Variants in GPHN observed in about 807,000 individuals in gnomAD.
GPHN encodes the protein gephyrin.
A neutral mutation model predicts 95.5 loss-of-function variants in GPHN; 17 were observed. The observed-to-expected ratio is 0.18, with a 90% CI of 0.12 to 0.27. The LOEUF is 0.27. Ranked by LOEUF, GPHN falls within the 10% of genes least tolerant of loss-of-function variation. The pLI is 1.00. For missense variants in GPHN, 660 were observed against 978.1 expected (o/e 0.67, Z 4.34); for synonymous variants, 320 against 322.5 (o/e 0.99, Z 0.08).
At chr14:67,633,461 G>A in the GPHN span, among the ~76,000 whole-genome samples, 3 of 152,158 alleles carry the variant, frequency 2.0e-5, no homozygotes, top group South Asian at 4.1e-4. Flanking sequence ...GTCTCCATGT[G>A]CTTTCAACAG....
At chr14:67,642,109 TATC>T in the GPHN span, 1 of 1,384,152 alleles carries the variant, frequency 7.2e-7, no homozygotes, top group Non-Finnish European at 1.0e-6. Flanking sequence ...TGTCACGTAT[TATC>T]ATTGTGGCCC....
At chr14:67,571,743 G>A in the GPHN span, 1 of 1,611,812 alleles carries the variant, frequency 6.2e-7, no homozygotes, top group African/African-American at 1.3e-5. Context: ...GGAGGGGCCT[G>A]TCTTGCAGAG....
chr14:67,533,978 G>A, the GPHN span, among the ~76,000 whole-genome samples: 1 of 152,018 alleles, frequency 6.6e-6, no homozygotes, highest in Non-Finnish European at 1.5e-5. Context: ...TCATCTGGAA[G>A]GAAACTCCTC....
chr14:67,581,128 A>C, the GPHN span: 6 of 810,892 alleles, frequency 7.4e-6, no homozygotes, highest in Non-Finnish European at 1.3e-5. Flanking sequence ...GCCTATCCAG[A>C]CGGGGGGAGG....
intron 1 of GPHN, among the ~76,000 whole-genome samples, chr14:66,601,193 A>C (rs964153049): frequency 1.3e-4 from 19 of 151,972 alleles, no homozygotes; most frequent in Non-Finnish European, 2.7e-4. Flanking sequence ...ATTTCTATCT[A>C]AAAGCGTTAA....
chr14:66,838,801 A>C (rs191400344), intron 4 of GPHN, among the ~76,000 whole-genome samples: 1 of 152,244 alleles, frequency 6.6e-6, no homozygotes, highest in East Asian at 1.9e-4. Context: ...TGCCTTTCAC[A>C]TAAAATGTAA....
chr14:66,599,179 C>T (rs981807946), intron 1 of GPHN, among the ~76,000 whole-genome samples: 1 of 151,764 alleles, frequency 6.6e-6, no homozygotes, highest in African/African-American at 2.4e-5. Context: ...GTGTTCATTA[C>T]TACTGTTTTA....
chr14:66,943,378 G>A (rs2067538921), intron 8 of GPHN, among the ~76,000 whole-genome samples: 1 of 151,956 alleles, frequency 6.6e-6, no homozygotes, highest in African/African-American at 2.4e-5. Flanking sequence ...TATGTGCTAG[G>A]TGCTGCCAAG....
chr14:67,614,990 A>G, the GPHN span: 9 of 152,232 alleles, frequency 5.9e-5, no homozygotes, highest in East Asian at 1.7e-3. Flanking sequence ...AAACCTGACA[A>G]TTGTGTCTTA....
chr14:67,586,645 G>C, the GPHN span: 4 of 443,654 alleles, frequency 9.0e-6, no homozygotes, highest in South Asian at 8.1e-5. Flanking sequence ...GCTAAGTTCT[G>C]ATTTATTGTT....
intron 2 of GPHN, among the ~76,000 whole-genome samples, chr14:66,707,326 G>GTA (rs1215528786): frequency 6.6e-6 from 1 of 152,162 alleles, no homozygotes; most frequent in African/African-American, 2.4e-5. Context: ...TATACCCAGA[G>GTA]GAATATAAAT....
chr14:67,570,290 C>G, the GPHN span: 1 of 973,756 alleles, frequency 1.0e-6, no homozygotes, highest in Non-Finnish European at 1.2e-6. Context: ...ATGTCTGCCT[C>G]ACTCCTCAGG....
intron 1 of GPHN, among the ~76,000 whole-genome samples, chr14:66,617,119 G>C (rs2063077973): frequency 6.6e-6 from 1 of 152,200 alleles, no homozygotes; most frequent in South Asian, 2.1e-4. Flanking sequence ...GAACCACCAG[G>C]AGGAAAGGCT....
chr14:67,724,507 G>A, the GPHN span: 4 of 1,605,860 alleles, frequency 2.5e-6, no homozygotes, highest in Non-Finnish European at 3.4e-6. Flanking sequence ...TAGAACAAAT[G>A]TGCAGCTTCC....
the GPHN span, among the ~76,000 whole-genome samples, chr14:67,400,396 T>C: frequency 6.6e-6 from 1 of 152,236 alleles, no homozygotes; most frequent in Admixed American, 6.5e-5. Context: ...GAGTTTTACC[T>C]GACACAAGCA....
At chr14:67,703,465 G>A in the GPHN span, among the ~76,000 whole-genome samples, 4 of 152,146 alleles carry the variant, frequency 2.6e-5, no homozygotes, top group South Asian at 2.1e-4. Context: ...ACTATAAACA[G>A]TGAGCTTTAT....
chr14:66,867,237 T>G (rs1182323562), intron 4 of GPHN, among the ~76,000 whole-genome samples: 1 of 152,186 alleles, frequency 6.6e-6, no homozygotes, highest in Non-Finnish European at 1.5e-5. Flanking sequence ...TACCTTGATT[T>G]CCAGATTGCA....
intron 13 of GPHN, among the ~76,000 whole-genome samples, chr14:67,105,925 G>A (rs1467050030): frequency 4.0e-5 from 6 of 151,884 alleles, no homozygotes; most frequent in Admixed American, 3.9e-4. Context: ...ATTGCAGTTG[G>A]GTGGTTTTCT....
At chr14:67,433,806 C>T in the GPHN span, among the ~76,000 whole-genome samples, 2 of 152,218 alleles carry the variant, frequency 1.3e-5, no homozygotes, top group South Asian at 4.1e-4. Context: ...AGCATCAACA[C>T]AATGCTACAA....
Sources: gnomAD v4.1 joint callset for allele counts (sites outside exome capture counted in the v4.1 genomes callset) on GRCh38, gnomAD v4.1.1 for gene constraint, MANE v1.5 for transcripts, NCBI Gene and HGNC (gene_info 2026-07-23, HGNC 2026-07-21) for gene names.